The following MYO7A variants were observed in gnomAD, a reference collection of about 807,000 sequenced individuals.
MYO7A encodes myosin VIIA.
A neutral mutation model predicts 263.8 loss-of-function variants in MYO7A; 210 were observed. The observed-to-expected ratio is 0.80, with a 90% CI of 0.71 to 0.89. The LOEUF is 0.89. Among genes scored for constraint, MYO7A ranks in the 40% least tolerant of loss-of-function variants. The pLI is 0.00. For synonymous variants in MYO7A, 1,239 were observed against 1,197.3 expected, an observed-to-expected ratio of 1.03 and a Z score of -0.72; for missense variants, 2,820 against 2,968.3, an observed-to-expected ratio of 0.95 and a Z score of 1.16.
chr11:77,180,605 A>G, intron 22 of MYO7A, 124 bp downstream of exon 22: 2 of 795,392 alleles, frequency 2.5e-6, no homozygotes, highest in East Asian at 5.4e-5. Context: ...TGGCCACACT[A>G]GACCCACTCA....
At chr11:77,152,182 A>G (rs1265355088) in intron 4 of MYO7A, among the ~76,000 whole-genome samples, 1 of 152,230 alleles carries the variant, frequency 6.6e-6, no homozygotes, top group East Asian at 1.9e-4. Context: ...TGTTTTGTAG[A>G]TAGATAAGTA....
intron 31 of MYO7A, among the ~76,000 whole-genome samples, chr11:77,192,868 A>T: frequency 7.1e-6 from 1 of 141,802 alleles, no homozygotes; most frequent in Non-Finnish European, 1.6e-5. Context: ...GGTAATGATG[A>T]TGGTGGTGAT....
intron 15 of MYO7A, among the ~76,000 whole-genome samples, chr11:77,170,173 G>A (rs913448883): frequency 5.9e-5 from 9 of 152,170 alleles, no homozygotes; most frequent in Admixed American, 1.3e-4. Context: ...GGAGGAATGC[G>A]GCGGTGGGAC....
At chr11:77,194,179 C>A in intron 31 of MYO7A, 175 bp from the exon 32 acceptor site, 1 of 802,544 alleles carries the variant, frequency 1.2e-6, no homozygotes, top group Non-Finnish European at 2.1e-6. Context: ...GCTCATGGTT[C>A]CTCTGAGCAG....
intron 2 of MYO7A, among the ~76,000 whole-genome samples, chr11:77,135,067 G>A (rs1180152292): frequency 6.6e-6 from 1 of 152,222 alleles, no homozygotes; most frequent in Non-Finnish European, 1.5e-5. Flanking sequence ...TTACAGGAGT[G>A]AGCCCCATGG....
In MYO7A at chr11:77,155,996, G is replaced by A. The variant is rs370420089; in HGVS notation, c.375G>A (p.Lys125=). ...AGCACATCCGCCAGTATACCAACAA[G>A]AAGATTGGGGAGATGCCCCCCCACA... ...SPEHIRQYTN[K]KIGEMPPHIF... is the part of the protein sequence containing the mutation. The change falls in exon 5 of 49, where the codon AAG becomes AAA. Residue 125 remains lysine, a synonymous_variant. Transcript: ENST00000409709. 11 of 1,613,710 alleles carry A rather than the reference G, an allele frequency of 6.8e-6. No homozygotes were observed. In the African/African-American group the frequency reaches 1.2e-4, roughly 18 times the overall value.
At position 77,208,453 on chromosome 11, in the gene MYO7A, C is replaced by A. The variant is rs1300032400; in HGVS notation, c.5880C>A (p.Asp1960Glu). The change falls in exon 43 of 49, where the codon GAC becomes GAA. Residue 1960 changes from aspartate to glutamate, a missense_variant. Transcript: ENST00000409709. ...AGGTCCTCAGCGTTCCTGAGAATGA[C>A]TTCTTCTTTGACTTTGTTCGACACT... ...ADKVLSVPEN[D>E]FFFDFVRHLT... 6 of 1,613,418 alleles carry A rather than the reference C, an allele frequency of 3.7e-6. No homozygotes were observed. The highest frequency in any genetic ancestry group is 5.1e-6 in the Non-Finnish European group (6 of 1,179,622).
intron 15 of MYO7A, among the ~76,000 whole-genome samples, chr11:77,171,557 T>C (rs1954097588): frequency 6.6e-6 from 1 of 152,202 alleles, no homozygotes; most frequent in Non-Finnish European, 1.5e-5. Flanking sequence ...TCTGGTGGCA[T>C]AGTACCTAAA....
At chr11:77,206,071 C>T in intron 40 of MYO7A, 26 bp from the exon 41 acceptor site, 1 of 1,566,106 alleles carries the variant, frequency 6.4e-7, no homozygotes, top group Non-Finnish European at 8.7e-7. Context: ...CGCACATGCC[C>T]CCTGCTGCCC....
intron 1 of MYO7A, 94 bp from the exon 2 acceptor site, chr11:77,130,495 T>A: frequency 1.1e-6 from 1 of 910,678 alleles, no homozygotes; most frequent in Non-Finnish European, 1.7e-6. Context: ...GAGGAGGAGC[T>A]GGGGCTTTGG....
chr11:77,144,636 T>A (rs2135660184), intron 3 of MYO7A, among the ~76,000 whole-genome samples: 1 of 150,894 alleles, frequency 6.6e-6, no homozygotes, highest in East Asian at 2.0e-4. Context: ...CAGGCTGTCA[T>A]CTCTTACCCC....
At chr11:77,163,024 C>G (rs782672319) in intron 14 of MYO7A, 36 bp downstream of exon 14, 6 of 1,608,664 alleles carry the variant, frequency 3.7e-6, no homozygotes, top group Non-Finnish European at 5.1e-6. Flanking sequence ...CACTCCCTGC[C>G]CGTGGCCCTG....
chr11:77,209,704 C>T (rs1332740300), intron 44 of MYO7A, among the ~76,000 whole-genome samples: 1 of 152,230 alleles, frequency 6.6e-6, no homozygotes, highest in Non-Finnish European at 1.5e-5. Context: ...CCTTCCCAAC[C>T]TGGGTCAGTC....
chr11:77,202,967 G>A (rs1208986007), intron 37 of MYO7A, 93 bp from the exon 38 acceptor site: 46 of 1,462,834 alleles, frequency 3.1e-5, no homozygotes, highest in Non-Finnish European at 4.2e-5. Flanking sequence ...TCTGGACACA[G>A]GGATGGGTGG....
intron 35 of MYO7A, among the ~76,000 whole-genome samples, chr11:77,200,042 G>C (rs1325249917): frequency 2.6e-5 from 4 of 152,174 alleles, no homozygotes; most frequent in African/African-American, 4.8e-5. Flanking sequence ...GCTGAGATGG[G>C]AGGATCACTT....
rs746509730 is a variant in MYO7A at position 77,214,918 on chromosome 11, T to G, written c.*222T>G. On this transcript the variant is annotated 3_prime_UTR_variant, in exon 49 of 49. Coordinates refer to ENST00000409709, the MANE Select transcript of MYO7A (RefSeq NM_000260.4). ...TCCATCCACCCCTCTGGCACCTGGG[T>G]TGGTCTAATCCTAGTTTGCTGTGGC... The G allele has an allele frequency of 4.3e-5, 23 of 541,092 alleles. No homozygotes were observed. Among genetic ancestry groups the G allele is most frequent in the Non-Finnish European group, 7.3e-5 (22 of 301,874 alleles). The allele number at this position is 541,092 out of a possible 1,614,324, so 33.5% of individuals were successfully genotyped here.
At chr11:77,200,077 T>C (rs1192378516) in intron 35 of MYO7A, among the ~76,000 whole-genome samples, 2 of 152,124 alleles carry the variant, frequency 1.3e-5, no homozygotes, top group African/African-American at 2.4e-5. Flanking sequence ...AAGACCAGCC[T>C]GGGCAACATA....
intron 32 of MYO7A, among the ~76,000 whole-genome samples, chr11:77,196,121 C>G (rs1956643441): frequency 6.6e-6 from 1 of 152,240 alleles, no homozygotes; most frequent in South Asian, 2.1e-4. Context: ...GTAATCCCAG[C>G]ACTTTGGGAG....
chr11:77,155,654 C>A (rs1009855955), intron 4 of MYO7A, among the ~76,000 whole-genome samples: 1 of 152,232 alleles, frequency 6.6e-6, no homozygotes, highest in Non-Finnish European at 1.5e-5. Context: ...AGAAGGAAAT[C>A]TAGGCTTAGA....
Sources: allele counts gnomAD v4.1 joint callset (sites outside exome capture counted in the v4.1 genomes callset), GRCh38; gene constraint gnomAD v4.1.1; transcripts MANE v1.5; gene names NCBI Gene and HGNC (gene_info 2026-07-23, HGNC 2026-07-21).